VPS13B: variants seen among roughly 807,000 people sequenced by gnomAD.
VPS13B encodes vacuolar protein sorting 13 homolog B.
Under a neutral mutation model 426.4 loss-of-function variants are expected in VPS13B, and 285 were observed. The observed-to-expected ratio is 0.67, with a 90% CI of 0.61 to 0.74. VPS13B has a LOEUF of 0.74. Among genes scored for constraint, VPS13B ranks in the 30% least tolerant of loss-of-function variants. The probability of loss-of-function intolerance (pLI) is 0.00; values close to 1 mark genes in which losing one functional copy is unlikely to be tolerated. For synonymous variants in VPS13B, 1,676 were observed against 1,676.4 expected (o/e 1.00, Z 0.01); for missense variants, 4,537 against 4,782.6 (o/e 0.95, Z 1.51).
intron 43 of VPS13B, among the ~76,000 whole-genome samples, chr8:99,796,429 G>C (rs1208550169): frequency 6.6e-6 from 1 of 152,004 alleles, no homozygotes; most frequent in East Asian, 1.9e-4. Flanking sequence ...AGAGAGTTAG[G>C]CACATTAATA....
chr8:99,100,944 T>G (rs1846701830), intron 4 of VPS13B, among the ~76,000 whole-genome samples: 1 of 151,750 alleles, frequency 6.6e-6, no homozygotes, highest in Non-Finnish European at 1.5e-5. Flanking sequence ...CTCAGGAGGT[T>G]GAGGCAGGAG....
At chr8:99,067,253 T>A (rs1253781624) in intron 3 of VPS13B, among the ~76,000 whole-genome samples, 1 of 152,172 alleles carries the variant, frequency 6.6e-6, no homozygotes, top group Non-Finnish European at 1.5e-5. Flanking sequence ...CAAATGTCTG[T>A]CAATGATAGA....
At chr8:99,460,416 C>A (rs774697325) in intron 23 of VPS13B, among the ~76,000 whole-genome samples, 10 of 152,140 alleles carry the variant, frequency 6.6e-5, no homozygotes, top group Middle Eastern at 3.4e-3. Context: ...TATAATATAA[C>A]CCAATGTTAC....
chr8:99,640,007 T>TAAGAAGAAGAAGAAG (rs1212185455), intron 33 of VPS13B, among the ~76,000 whole-genome samples: 4 of 76,282 alleles, frequency 5.2e-5, no homozygotes, highest in Admixed American at 1.8e-4. Flanking sequence ...ATAATAATAA[T>TAAGAAGAAGAAGAAG]AATAATAATA....
intron 2 of VPS13B, among the ~76,000 whole-genome samples, chr8:99,027,492 C>T (rs966730716): frequency 1.1e-4 from 16 of 151,798 alleles, no homozygotes; most frequent in Admixed American, 2.0e-4. Context: ...ATAGTCTGTT[C>T]GCTTTCAGTT....
intron 3 of VPS13B, among the ~76,000 whole-genome samples, chr8:99,077,004 CT>C (rs2132352766): frequency 6.6e-6 from 1 of 152,048 alleles, no homozygotes; most frequent in East Asian, 1.9e-4. Context: ...TTCTCTTTCT[CT>C]TTTGTGTATC....
chr8:99,100,386 G>A (rs1187290507), intron 4 of VPS13B, among the ~76,000 whole-genome samples: 4 of 152,142 alleles, frequency 2.6e-5, no homozygotes, highest in Non-Finnish European at 5.9e-5. Flanking sequence ...CGCCTCTGGT[G>A]CTCAAGCGAT....
At position 99,819,583 on chromosome 8, in the gene VPS13B, G is replaced by T. The variant is rs1415714103; in HGVS notation, c.8792+1G>T. On this transcript the variant is annotated splice_donor_variant, in intron 48 of 61. Coordinates refer to ENST00000357162, the MANE Select transcript of VPS13B (RefSeq NM_152564.5). LOFTEE classifies it high-confidence loss of function. ...CCTATAATAAGAAGGATTCTGACAG[G>T]TAATATTCTTCAGTGATCTTTTTCT... The T allele has an allele frequency of 2.5e-6, 4 of 1,613,052 alleles. No homozygotes were observed. The highest frequency in any genetic ancestry group is 3.4e-6 in the Non-Finnish European group (4 of 1,179,670).
chr8:99,503,058 C>A, intron 27 of VPS13B, 108 bp downstream of exon 27: 1 of 781,992 alleles, frequency 1.3e-6, no homozygotes. Context: ...AAATACTATA[C>A]AGGCATACCT....
At chr8:99,588,495 A>T (rs530241281) in intron 33 of VPS13B, among the ~76,000 whole-genome samples, 1 of 151,768 alleles carries the variant, frequency 6.6e-6, no homozygotes, top group Admixed American at 6.5e-5. Context: ...TATTTTGCTT[A>T]GCAGTGGTTT....
intron 35 of VPS13B, chr8:99,697,466 A>T (rs1173211698): frequency 4.1e-6 from 3 of 729,854 alleles, no homozygotes; most frequent in Middle Eastern, 3.9e-4. Flanking sequence ...CGACATCCTC[A>T]GCGATGCCTG....
At chr8:99,609,497 A>T (rs1363671057) in intron 33 of VPS13B, among the ~76,000 whole-genome samples, 2 of 152,184 alleles carry the variant, frequency 1.3e-5, no homozygotes, top group African/African-American at 4.8e-5. Flanking sequence ...TGTAGAGAAA[A>T]TGTTTGTGAA....
At chr8:99,828,394 GTTTTTTTTTTTTTT>G (rs555108452) in intron 51 of VPS13B, among the ~76,000 whole-genome samples, 1 of 17,424 alleles carries the variant, frequency 5.7e-5, no homozygotes, top group African/African-American at 2.4e-4. Context: ...TACAACCACC[GTTTTTTTTTTTTTT>G]TTTTTTTTTT....
intron 16 of VPS13B, among the ~76,000 whole-genome samples, chr8:99,192,044 A>T (rs1255352901): frequency 6.6e-6 from 1 of 152,066 alleles, no homozygotes; most frequent in East Asian, 1.9e-4. Flanking sequence ...GATTTTTTTT[A>T]ATCTATTTTT....
chr8:99,824,040 A>G lies in VPS13B; in HGVS notation c.9330+62A>G, dbSNP rs1407160994. The G allele has an allele frequency of 3.6e-5, 56 of 1,570,266 alleles. 1 individual carries two copies. In the Middle Eastern group the frequency reaches 1.8e-3, roughly 51 times the overall value. On this transcript the variant is annotated intron_variant, in intron 51 of 61. Transcript: ENST00000357162. ...GATAAAGAAACAATAAATAGGATCA[A>G]CTTCTCTTTAACCTATAGCAAATGA... is the stretch of plus-strand genomic sequence containing the variant.
chr8:99,050,619 A>C (rs1299506512), intron 3 of VPS13B, among the ~76,000 whole-genome samples: 2 of 152,212 alleles, frequency 1.3e-5, no homozygotes, highest in African/African-American at 4.8e-5. Flanking sequence ...ACTGACTTCT[A>C]CAGTGGTTGA....
chr8:99,069,082 A>G (rs1844711680), intron 3 of VPS13B, among the ~76,000 whole-genome samples: 1 of 152,178 alleles, frequency 6.6e-6, no homozygotes, highest in Admixed American at 6.5e-5. Context: ...AGGAATTTGC[A>G]TGTTGGTAAT....
chr8:99,391,882 G>A (rs1814466909), intron 21 of VPS13B, among the ~76,000 whole-genome samples, 178 bp downstream of exon 21: 1 of 152,080 alleles, frequency 6.6e-6, no homozygotes, highest in African/African-American at 2.4e-5. Context: ...TTGTGTTAGT[G>A]CCCTGAGCCC....
intron 31 of VPS13B, among the ~76,000 whole-genome samples, chr8:99,571,351 A>T (rs1400703144): frequency 6.6e-6 from 1 of 152,134 alleles, no homozygotes; most frequent in Admixed American, 6.6e-5. Flanking sequence ...AAATATTTGA[A>T]TCTGTAAAGA....
Sources: gnomAD v4.1 joint callset for allele counts (sites outside exome capture counted in the v4.1 genomes callset) on GRCh38, gnomAD v4.1.1 for gene constraint, MANE v1.5 for transcripts, NCBI Gene and HGNC (gene_info 2026-07-23, HGNC 2026-07-21) for gene names.